ALOX15B: variants seen among roughly 807,000 people sequenced by gnomAD.
ALOX15B encodes arachidonate 15-lipoxygenase type B, also known as polyunsaturated fatty acid lipoxygenase ALOX15B.
In ALOX15B, 74 loss-of-function variants were observed where a neutral mutation model predicts 73.8. The ratio of observed to expected loss-of-function variants is 1.00; its 90% CI spans 0.83 to 1.22. The LOEUF is 1.22. Among genes scored for constraint, ALOX15B ranks in the 50% most tolerant of loss-of-function variants. The pLI is 0.00. For missense variants in ALOX15B, 896 were observed against 859.9 expected, an observed-to-expected ratio of 1.04 and a Z score of -0.52; for synonymous variants, 353 against 357.2, an observed-to-expected ratio of 0.99 and a Z score of 0.13.
chr17:8,048,173 C>T lies in ALOX15B; in HGVS notation c.1852-213C>T, dbSNP rs1976664379. ...AAATTCCGAATTGAGCTTTCATTCC[C>T]CGAAAGCTTCCTGCAGATAAGCTTT... is the stretch of plus-strand genomic sequence containing the variant. On this transcript the variant is annotated intron_variant, in intron 13 of 13. Coordinates refer to ENST00000380183, the MANE Select transcript of ALOX15B (RefSeq NM_001141.3). Among the ~76,000 whole-genome samples the T allele has an allele frequency of 2.6e-5, 4 of 152,202 alleles. No homozygotes were observed. In the South Asian group the frequency reaches 8.3e-4, roughly 31 times the overall value.
rs560167917 is a variant in ALOX15B at position 8,039,968 on chromosome 17, G to A, written c.434G>A (p.Arg145Gln). The A allele has an allele frequency of 5.5e-5, 88 of 1,613,592 alleles. 1 individual carries two copies. In the South Asian group the frequency reaches 7.4e-4, roughly 13 times the overall value. The change falls in exon 3 of 14, where the codon CGG (arginine) becomes CAG (glutamine). Residue 145 changes from arginine (R) to glutamine (Q), a missense_variant. Transcript: ENST00000380183. ...QQQRQEELQA[R>Q]QEMYQWKAYN... ...CAGCGCCAGGAGGAGCTTCAGGCCCGGCAGGAGATGTACCAGTGAGGAGGG... is the reference window on the plus strand; with the variant it reads ...CAGCGCCAGGAGGAGCTTCAGGCCCAGCAGGAGATGTACCAGTGAGGAGGG...
At position 8,047,913 on chromosome 17, in the gene ALOX15B, CAAGT is replaced by C; in HGVS notation, c.1850_1851+2del. The C allele has an allele frequency of 1.2e-6, 2 of 1,613,954 alleles. No homozygotes were observed. Among genetic ancestry groups the C allele is most frequent in the South Asian group, 2.2e-5 (2 of 91,048 alleles). On this transcript the variant is annotated splice_donor_variant and coding_sequence_variant, in exon 13 of 14. Coordinates refer to ENST00000380183, the MANE Select transcript of ALOX15B (RefSeq NM_001141.3). LOFTEE classifies it high-confidence loss of function. Reference sequence around the variant, plus strand: ...GTTGCTGAGCAAGGAGCCTGGAGACCAAGTGAGTGTGGGGCTGGGGGCCAGGCTG... The same window carrying C: ...GTTGCTGAGCAAGGAGCCTGGAGACCGAGTGTGGGGCTGGGGGCCAGGCTG...
chr17:8,044,748 G>T, intron 5 of ALOX15B, 81 bp from the exon 6 acceptor site: 1 of 1,196,690 alleles, frequency 8.4e-7, no homozygotes. Flanking sequence ...GGGAGCTGGG[G>T]TAACCCCGTC....
In ALOX15B at chr17:8,045,439, G is replaced by A; in HGVS notation, c.997-44G>A. On this transcript the variant is annotated intron_variant, in intron 7 of 13. Coordinates refer to ENST00000380183, the MANE Select transcript of ALOX15B (RefSeq NM_001141.3). Reference sequence around the variant, plus strand: ...TGAAGAAGAGTCAGGAGAATGGTTGGAAGACACTCATGGCTGCCTCTCTCC... The same window carrying A: ...TGAAGAAGAGTCAGGAGAATGGTTGAAAGACACTCATGGCTGCCTCTCTCC... The A allele has an allele frequency of 1.2e-6, 2 of 1,613,722 alleles. 1 individual carries two copies. The highest frequency in any genetic ancestry group is 2.2e-5 in the South Asian group (2 of 91,068).
Position 8,039,308 on chromosome 17 carries a change from T to C in ALOX15B, c.147+6T>C. On this transcript the variant is annotated splice_donor_region_variant and intron_variant, in intron 1 of 13. Transcript: ENST00000380183. ...AGGAGTTCACTGCGGGCGCTGTGAGTGCGTGGGAGTGGATGGGGTGGAGGT... is the reference window on the plus strand; with the variant it reads ...AGGAGTTCACTGCGGGCGCTGTGAGCGCGTGGGAGTGGATGGGGTGGAGGT... 6.3e-7 allele frequency: 1 copy of C among 1,584,874 alleles called. No individual in the cohort carries two copies.
chr17:8,048,412 G>A lies in ALOX15B; in HGVS notation c.1878G>A (p.Glu626=), dbSNP rs377008315. 1 of 1,613,768 alleles carries A rather than the reference G, an allele frequency of 6.2e-7. No individual in the cohort carries two copies. The highest frequency in any genetic ancestry group is 2.2e-5 in the East Asian group (1 of 44,876). ...GGCCCCTGGGCACCTATCCGGATGA[G>A]CACTTCACAGAGGAGGCCCCTCGGC... is the stretch of plus-strand genomic sequence containing the variant. The part of the protein sequence containing the change: ...DQRPLGTYPD[E]HFTEEAPRRS... Residue 626 remains glutamate (E), a synonymous_variant, in exon 14 of 14, where the codon GAG becomes GAA. Coordinates refer to ENST00000380183, the MANE Select transcript of ALOX15B (RefSeq NM_001141.3).
At position 8,039,227 on chromosome 17, in the gene ALOX15B, C is replaced by G. The variant is rs778939697; in HGVS notation, c.72C>G (p.Val24=). 1 of 1,610,072 alleles carries G rather than the reference C, an allele frequency of 6.2e-7. No individual in the cohort carries two copies. The highest frequency in any genetic ancestry group is 1.1e-5 in the South Asian group (1 of 90,422). ...CTGGCACATGGGACAAAGTGTCTGTCAGCATCGTGGGGACCCGGGGAGAGA... is the reference window on the plus strand; with the variant it reads ...CTGGCACATGGGACAAAGTGTCTGTGAGCATCGTGGGGACCCGGGGAGAGA... ...FGAGTWDKVS[V]SIVGTRGESP... is the part of the protein sequence containing the mutation. Residue 24 remains valine (V), a synonymous_variant, in exon 1 of 14, where the codon GTC becomes GTG. Coordinates refer to ENST00000380183, the MANE Select transcript of ALOX15B (RefSeq NM_001141.3).
In ALOX15B at chr17:8,039,366, C is replaced by T; in HGVS notation, c.148-20C>T. 1 of 1,606,922 alleles carries T rather than the reference C, an allele frequency of 6.2e-7. No individual in the cohort carries two copies. The highest frequency in any genetic ancestry group is 8.5e-7 in the Non-Finnish European group (1 of 1,175,390). On this transcript the variant is annotated intron_variant, in intron 1 of 13. Transcript: ENST00000380183. ...GCGAGCAGGAGGGTCCGGCCTGACG[C>T]ATACTTAACCTCCCCTCAGGAGGAG...
chr17:8,040,995 A>G (rs1331469421), intron 3 of ALOX15B, among the ~76,000 whole-genome samples: 1 of 152,100 alleles, frequency 6.6e-6, no homozygotes, highest in Non-Finnish European at 1.5e-5. Context: ...CTCATCTGCT[A>G]TCTAAAGCCT....
intron 13 of ALOX15B, 89 bp downstream of exon 13, chr17:8,048,004 A>T: frequency 6.9e-7 from 1 of 1,454,282 alleles, no homozygotes; most frequent in Non-Finnish European, 9.3e-7. Context: ...CAACCCTGCC[A>T]TCAGGTAGCG....
At chr17:8,040,834 C>A (rs1976446552) in intron 3 of ALOX15B, among the ~76,000 whole-genome samples, 1 of 152,110 alleles carries the variant, frequency 6.6e-6, no homozygotes, top group Non-Finnish European at 1.5e-5. Context: ...TGGGGGCTCT[C>A]TCTGTGCTCT....
rs961670447 is a variant in ALOX15B at position 8,039,544 on chromosome 17, C to T, written c.306C>T (p.Leu102=). The change falls in exon 2 of 14, where the codon CTC becomes CTT. Residue 102 remains leucine (L), a synonymous_variant. Transcript: ENST00000380183. ...TGACACCGCCGCGGGGCGGCCACCT[C>T]CTCTTCCCCTGCTACCAGTGGCTGG... ...FQLTPPRGGH[L]LFPCYQWLEG... 1.3e-6 allele frequency: 2 copies of T among 1,543,786 alleles called. 1 individual carries two copies. Among genetic ancestry groups the T allele is most frequent in the South Asian group, 2.4e-5 (2 of 84,768 alleles).
chr17:8,047,640 G>A lies in ALOX15B; in HGVS notation c.1656G>A (p.Lys552=), dbSNP rs61312861. ...VTMVIFTCSA[K]HAAVSAGQFD... ...TGGTGATATTCACCTGCTCCGCCAAGCATGCGGCTGTCAGTGCAGGGCAGG... is the reference window on the plus strand; with the variant it reads ...TGGTGATATTCACCTGCTCCGCCAAACATGCGGCTGTCAGTGCAGGGCAGG... The change falls in exon 12 of 14, where the codon AAG becomes AAA. Residue 552 remains lysine, a synonymous_variant. Coordinates refer to ENST00000380183, the MANE Select transcript of ALOX15B (RefSeq NM_001141.3). 0.047 allele frequency: 76,108 copies of A among 1,611,270 alleles called. 1,989 individuals are homozygous for A. Among genetic ancestry groups the A allele is most frequent in the African/African-American group, 0.071 (5,291 of 74,996 alleles).
rs187993924 is a variant in ALOX15B at position 8,040,049 on chromosome 17, G to C, written c.449+66G>C. On this transcript the variant is annotated intron_variant, in intron 3 of 13. Coordinates refer to ENST00000380183, the MANE Select transcript of ALOX15B (RefSeq NM_001141.3). ...GATGAGGGGCAGCTTGAGTGTCCTGGTCATGACAGAGATTAAAAGCCCCTG... is the reference window on the plus strand; with the variant it reads ...GATGAGGGGCAGCTTGAGTGTCCTGCTCATGACAGAGATTAAAAGCCCCTG... The C allele has an allele frequency of 1.1e-5, 17 of 1,491,536 alleles. No homozygotes were observed. The African/African-American group carries it at 2.4e-4, about 21-fold the overall frequency. The allele number at this position is 1,491,536 out of a possible 1,614,324, so 92.4% of individuals were successfully genotyped here.
At position 8,047,630 on chromosome 17, in the gene ALOX15B, G is replaced by T. The variant is rs768387426; in HGVS notation, c.1646G>T (p.Cys549Phe). Residue 549 changes from cysteine (C) to phenylalanine (F), a missense_variant, in exon 12 of 14, where the codon TGC becomes TTC. Transcript: ENST00000380183. The stretch of plus-strand genomic sequence containing the variant: ...TATGTCACCATGGTGATATTCACCT[G>T]CTCCGCCAAGCATGCGGCTGTCAGT... ...VQYVTMVIFT[C>F]SAKHAAVSAG... The T allele has an allele frequency of 9.3e-6, 15 of 1,611,586 alleles. No homozygotes were observed. The South Asian group carries it at 1.7e-4, about 18-fold the overall frequency.
chr17:8,041,435 G>A (rs1976461045), intron 3 of ALOX15B, among the ~76,000 whole-genome samples: 1 of 152,164 alleles, frequency 6.6e-6, no homozygotes. Context: ...AAAACGTACA[G>A]TGAGGTCTCA....
rs762636058 is a variant in ALOX15B, at chr17:8,039,531, G to A, written c.293G>A (p.Arg98Gln). 6.5e-7 allele frequency: 1 copy of A among 1,549,616 alleles called. No homozygotes were observed. Among genetic ancestry groups the A allele is most frequent in the Admixed American group, 1.9e-5 (1 of 52,390 alleles). ...CGCTGGTTCCAGCTGACACCGCCGCGGGGCGGCCACCTCCTCTTCCCCTGC... is the reference window on the plus strand; with the variant it reads ...CGCTGGTTCCAGCTGACACCGCCGCAGGGCGGCCACCTCCTCTTCCCCTGC... ...FCRWFQLTPP[R>Q]GGHLLFPCYQ... Residue 98 changes from arginine to glutamine, a missense_variant, in exon 2 of 14, where the codon CGG becomes CAG. By Grantham distance (43) the Arg-to-Gln change is conservative. Coordinates refer to ENST00000380183, the MANE Select transcript of ALOX15B (RefSeq NM_001141.3).
chr17:8,048,546 A>C lies in ALOX15B; in HGVS notation c.2012A>C (p.Glu671Ala), dbSNP rs780697503. ...PYTYLDPPLI[E>A]NSVSI is the part of the protein sequence containing the mutation. ...ACCTACCTAGACCCTCCCCTCATCG[A>C]GAACAGCGTCTCCATCTAAATCCCA... is the stretch of plus-strand genomic sequence containing the variant. The change falls in exon 14 of 14, where the codon GAG (glutamate) becomes GCG (alanine). Residue 671 changes from glutamate (E) to alanine (A), a missense_variant. Physicochemically the swap from Glu to Ala is moderately radical, Grantham distance 107. Transcript: ENST00000380183. 1.9e-6 allele frequency: 3 copies of C among 1,613,712 alleles called. No individual in the cohort carries two copies. In the African/African-American group the frequency reaches 4.0e-5, roughly 22 times the overall value.
At chr17:8,046,401 A>C (rs1192517300) in intron 8 of ALOX15B, among the ~76,000 whole-genome samples, 1 of 152,194 alleles carries the variant, frequency 6.6e-6, no homozygotes, top group Non-Finnish European at 1.5e-5. Flanking sequence ...CAGAGCCGGA[A>C]GACACAGGGC....
Sources: allele counts gnomAD v4.1 joint callset (sites outside exome capture counted in the v4.1 genomes callset), GRCh38; gene constraint gnomAD v4.1.1; transcripts MANE v1.5; gene names NCBI Gene and HGNC (gene_info 2026-07-23, HGNC 2026-07-21).